The following SUCLG2 variants were observed in gnomAD, a reference collection of about 807,000 sequenced individuals.
The protein encoded by SUCLG2 is succinate--CoA ligase [GDP-forming] subunit beta, mitochondrial.
SUCLG2 carries 42 observed loss-of-function variants against 47.9 expected under a neutral mutation model. That is an observed-to-expected ratio of 0.88 (90% CI 0.69 to 1.14). The LOEUF is 1.14. SUCLG2 is among the 50% of genes most tolerant of loss of function. SUCLG2 has a pLI of 0.00. For synonymous variants in SUCLG2, 195 were observed against 197.3 expected (o/e 0.99, Z 0.10); for missense variants, 571 against 525.9 (o/e 1.09, Z -0.84).
chr3:67,477,029 T>C (rs1704780360), intron 9 of SUCLG2, among the ~76,000 whole-genome samples: 1 of 152,120 alleles, frequency 6.6e-6, no homozygotes, highest in South Asian at 2.1e-4. Context: ...CCTGAACAAC[T>C]GTCATGATTC....
At chr3:67,436,659 A>T (rs1254329463) in intron 9 of SUCLG2, among the ~76,000 whole-genome samples, 1 of 152,156 alleles carries the variant, frequency 6.6e-6, no homozygotes, top group African/African-American at 2.4e-5. Flanking sequence ...AATTTACATG[A>T]TACTTTTCAT....
At chr3:67,608,149 T>C (rs1700457339) in intron 2 of SUCLG2, among the ~76,000 whole-genome samples, 1 of 152,206 alleles carries the variant, frequency 6.6e-6, no homozygotes, top group Non-Finnish European at 1.5e-5. Flanking sequence ...TTAGCTTGAC[T>C]TTAAAGTCAT....
intron 6 of SUCLG2, among the ~76,000 whole-genome samples, chr3:67,517,170 A>G (rs1476170215): frequency 6.6e-6 from 1 of 152,118 alleles, no homozygotes. Context: ...TTTCAAAGTG[A>G]GCCTTTATTC....
Position 67,388,642 on chromosome 3 carries a change from T to G in SUCLG2, c.1183+12089A>C, listed in dbSNP as rs1048990796. Among the ~76,000 whole-genome samples the G allele has an allele frequency of 2.0e-5, 3 of 152,220 alleles. No individual in the cohort carries two copies. In the South Asian group the frequency reaches 6.2e-4, roughly 32 times the overall value. On this transcript the variant is annotated intron_variant, in intron 10 of 10. Transcript: ENST00000307227. ...GGTATTATCCATAAAGGGAACTAAA[T>G]GCAAATCAAGCCAATGCTTTTTAGA...
intron 10 of SUCLG2, among the ~76,000 whole-genome samples, chr3:67,386,326 G>A (rs1273725969): frequency 1.3e-5 from 2 of 150,446 alleles, no homozygotes; most frequent in African/African-American, 4.9e-5. Flanking sequence ...CTCGATCTCC[G>A]ACCTCATTAT....
chr3:67,517,653 G>A (rs1705981733), intron 6 of SUCLG2, among the ~76,000 whole-genome samples: 1 of 152,006 alleles, frequency 6.6e-6, no homozygotes, highest in Non-Finnish European at 1.5e-5. Flanking sequence ...TGAAGCCAAG[G>A]GATATTATTA....
At chr3:67,364,746 A>G (rs1234423367) in intron 10 of SUCLG2, among the ~76,000 whole-genome samples, 1 of 152,144 alleles carries the variant, frequency 6.6e-6, no homozygotes, top group Admixed American at 6.5e-5. Flanking sequence ...AACATCCACA[A>G]TGTCCAAGTT....
chr3:67,411,902 T>G (rs763650497), intron 9 of SUCLG2, among the ~76,000 whole-genome samples: 1 of 152,172 alleles, frequency 6.6e-6, no homozygotes, highest in Non-Finnish European at 1.5e-5. Context: ...TTCAAACATG[T>G]GTTATAAAAA....
intron 7 of SUCLG2, 108 bp from the exon 8 acceptor site, chr3:67,498,403 T>A (rs1008015983): frequency 8.4e-7 from 1 of 1,196,492 alleles, no homozygotes; most frequent in Non-Finnish European, 1.2e-6. Context: ...ACTGTCATTT[T>A]TTTTCACATG....
intron 9 of SUCLG2, among the ~76,000 whole-genome samples, chr3:67,494,010 A>C (rs1487371627): frequency 3.9e-5 from 6 of 152,204 alleles, no homozygotes; most frequent in Non-Finnish European, 5.9e-5. Flanking sequence ...ATAAGTGCTA[A>C]TAATACCTTG....
chr3:67,552,560 A>G (rs757037654), intron 2 of SUCLG2, among the ~76,000 whole-genome samples: 5 of 152,220 alleles, frequency 3.3e-5, no homozygotes, highest in African/African-American at 4.8e-5. Flanking sequence ...ATAACATAGG[A>G]ATACGAGAAC....
chr3:67,491,360 A>AGTTTTTTTTTTTTTTTTTTTTTTATT (rs1705199150), intron 9 of SUCLG2, among the ~76,000 whole-genome samples: 1 of 128,466 alleles, frequency 7.8e-6, no homozygotes. Flanking sequence ...TTTTTCTTTT[A>AGTTTTTTTTTTTTTTTTTTTTTTATT]CTTTTTTTTT....
At chr3:67,497,215 A>G (rs1705370941) in intron 8 of SUCLG2, among the ~76,000 whole-genome samples, 1 of 152,184 alleles carries the variant, frequency 6.6e-6, no homozygotes, top group Non-Finnish European at 1.5e-5. Context: ...ATTGTATTGA[A>G]CAGCCACCTC....
At chr3:67,489,371 G>A (rs1318342739) in intron 9 of SUCLG2, among the ~76,000 whole-genome samples, 1 of 152,170 alleles carries the variant, frequency 6.6e-6, no homozygotes, top group Non-Finnish European at 1.5e-5. Flanking sequence ...TCTAGCTTAT[G>A]CAGAGTGACT....
chr3:67,532,070 C>G (rs1465665565), intron 2 of SUCLG2, among the ~76,000 whole-genome samples: 1 of 152,152 alleles, frequency 6.6e-6, no homozygotes, highest in Non-Finnish European at 1.5e-5. Context: ...GACGACTTAA[C>G]CATCCTTTAG....
chr3:67,480,764 T>G (rs1031537948), intron 9 of SUCLG2, among the ~76,000 whole-genome samples: 2 of 152,180 alleles, frequency 1.3e-5, no homozygotes, highest in Admixed American at 6.5e-5. Context: ...AGGGATGCAG[T>G]AAAGCAATTG....
At chr3:67,496,573 T>G (rs1705345580) in intron 8 of SUCLG2, among the ~76,000 whole-genome samples, 1 of 152,176 alleles carries the variant, frequency 6.6e-6, no homozygotes, top group South Asian at 2.1e-4. Flanking sequence ...AAAACAATAT[T>G]CTTATCCCCT....
In SUCLG2 at chr3:67,409,147, G is replaced by A. The variant is rs998847164; in HGVS notation, c.1063-8296C>T. ...TTTACTGATAAAAGAGTTGTCCAGA[G>A]CTCATGGTTTTGGCATTTCCTAGTT... On this transcript the variant is annotated intron_variant, in intron 9 of 10. Transcript: ENST00000307227. 1.4e-5 allele frequency: 17 copies of A among 1,245,666 alleles called. No individual in the cohort carries two copies. In the African/African-American group the frequency reaches 2.1e-4, roughly 16 times the overall value. The allele number at this position is 1,245,666 out of a possible 1,614,324, so 77.2% of individuals were successfully genotyped here.
chr3:67,520,463 GC>G lies in SUCLG2; in HGVS notation c.570+18del. ...AATAACAATCAATTAATAGCAGGTAGCCCGGAATTTAAACATACCTTAAAAA... is the reference window on the plus strand; with the variant it reads ...AATAACAATCAATTAATAGCAGGTAGCCGGAATTTAAACATACCTTAAAAA... On this transcript the variant is annotated intron_variant, in intron 5 of 10. Coordinates refer to ENST00000307227, the MANE Select transcript of SUCLG2 (RefSeq NM_003848.4). The G allele has an allele frequency of 6.2e-7, 1 of 1,613,834 alleles. No homozygotes were observed. The highest frequency in any genetic ancestry group is 8.5e-7 in the Non-Finnish European group (1 of 1,179,810).
Sources: gnomAD v4.1 joint callset for allele counts (sites outside exome capture counted in the v4.1 genomes callset) on GRCh38, gnomAD v4.1.1 for gene constraint, MANE v1.5 for transcripts, NCBI Gene and HGNC (gene_info 2026-07-23, HGNC 2026-07-21) for gene names.